WNK1: variants seen among roughly 807,000 people sequenced by gnomAD.
WNK1 encodes the protein serine/threonine-protein kinase WNK1.
In WNK1, 38 loss-of-function variants were observed where a neutral mutation model predicts 222.8. The observed-to-expected ratio is 0.17, with a 90% CI of 0.13 to 0.22. WNK1 has a LOEUF of 0.22. Ranked by LOEUF, WNK1 falls within the 10% of genes least tolerant of loss-of-function variation. WNK1 has a pLI of 1.00. For synonymous variants in WNK1, 1,090 were observed against 1,092.9 expected, an observed-to-expected ratio of 1.00 and a Z score of 0.05; for missense variants, 2,348 against 2,918.4, an observed-to-expected ratio of 0.80 and a Z score of 4.50.
rs1951204300 is a variant in WNK1 at position 861,363 on chromosome 12, G to A, written c.1951+20G>A. On this transcript the variant is annotated intron_variant, in intron 7 of 27. Coordinates refer to ENST00000315939, the MANE Select transcript of WNK1 (RefSeq NM_018979.4). ...TGTTATGTACGTATCTTGGGAAGTG[G>A]ACAGATAGGCTAATGATTCTCCTAA... 1 of 1,611,380 alleles carries A rather than the reference G, an allele frequency of 6.2e-7. No homozygotes were observed. Among genetic ancestry groups the A allele is most frequent in the Non-Finnish European group, 8.5e-7 (1 of 1,177,778 alleles).
At chr12:862,498 T>C (rs574500188) in intron 8 of WNK1, among the ~76,000 whole-genome samples, 1 of 152,356 alleles carries the variant, frequency 6.6e-6, no homozygotes, top group South Asian at 2.1e-4. Context: ...TTAGTCTGCA[T>C]TTTTACTAAA....
At position 881,750 on chromosome 12, in the gene WNK1, A is replaced by G. The variant is rs1268304631; in HGVS notation, c.3170A>G (p.Gln1057Arg). 2 of 1,614,216 alleles carry G rather than the reference A, an allele frequency of 1.2e-6. No individual in the cohort carries two copies. The highest frequency in any genetic ancestry group is 2.2e-5 in the South Asian group (2 of 91,080). The change falls in exon 13 of 28, where the codon CAA becomes CGA. Residue 1057 changes from glutamine to arginine, a missense_variant. Around this residue, in one of 13 missense-constraint regions of WNK1, gnomAD observed 547 missense variants for 558.3 expected, o/e 0.98. Transcript: ENST00000315939. The stretch of plus-strand genomic sequence containing the variant: ...GAGCCAGTTGCAGTAGCACAGACCC[A>G]AGCTACCCAGCCGACCACTTTGGCT... ...PAEPVAVAQT[Q>R]ATQPTTLASS...
chr12:869,564 TA>T (rs778677833), intron 8 of WNK1, among the ~76,000 whole-genome samples: 285 of 152,238 alleles, frequency 1.9e-3, no homozygotes, highest in South Asian at 3.7e-3. Context: ...GTTTTTGAGG[TA>T]ATATTAATAA....
Position 869,109 on chromosome 12 carries a change from T to C in WNK1, c.2140-2156T>C, listed in dbSNP as rs768422565. On this transcript the variant is annotated intron_variant, in intron 8 of 27. Coordinates refer to ENST00000315939, the MANE Select transcript of WNK1 (RefSeq NM_018979.4). ...GGATCTGCACTTCATCCACAGGTTA[T>C]AGGAAAACTTCCACAATTATTTTAA... 3.7e-6 allele frequency: 6 copies of C among 1,613,920 alleles called. No homozygotes were observed. In the East Asian group the frequency reaches 1.1e-4, roughly 30 times the overall value.
At chr12:864,346 A>G (rs1745951981) in intron 8 of WNK1, among the ~76,000 whole-genome samples, 2 of 152,104 alleles carry the variant, frequency 1.3e-5, no homozygotes, top group South Asian at 4.2e-4. Flanking sequence ...CTTGACCTCA[A>G]GTGATCCACC....
rs1319114437 is a variant in WNK1, at chr12:757,337, A to ATTTT, written c.759+3013_759+3014insTTTT. Reference sequence around the variant, plus strand: ...TTTTTTTTTTTTTTTTTTTTTTAAAAAAAAAAAGAGACGGAGTCTTGCTCT... The same window carrying ATTTT: ...TTTTTTTTTTTTTTTTTTTTTTAAAATTTTAAAAAAAGAGACGGAGTCTTGCTCT... On this transcript the variant is annotated intron_variant, in intron 1 of 27. Coordinates refer to ENST00000315939, the MANE Select transcript of WNK1 (RefSeq NM_018979.4). Among the ~76,000 whole-genome samples the ATTTT allele has an allele frequency of 5.2e-5, 6 of 115,302 alleles. No individual in the cohort carries two copies. The East Asian group carries it at 1.7e-3, about 33-fold the overall frequency. The allele number at this position is 115,302 out of a possible 152,430, so 75.6% of individuals were successfully genotyped here. A position where few individuals can be genotyped will look rare whatever the true frequency, so the allele number is the denominator to read the frequency against.
chr12:867,150 A>G (rs1951742827), intron 8 of WNK1, among the ~76,000 whole-genome samples: 1 of 152,124 alleles, frequency 6.6e-6, no homozygotes, highest in Non-Finnish European at 1.5e-5. Context: ...TTTCATGGTT[A>G]TGCAACTCTT....
At chr12:846,478 G>A (rs1280690794) in intron 4 of WNK1, among the ~76,000 whole-genome samples, 2 of 152,152 alleles carry the variant, frequency 1.3e-5, no homozygotes, top group African/African-American at 4.8e-5. Flanking sequence ...TTGGGGAATC[G>A]TGAGTAAGTT....
intron 1 of WNK1, among the ~76,000 whole-genome samples, chr12:775,612 G>T (rs1226570069): frequency 6.6e-6 from 1 of 152,042 alleles, no homozygotes; most frequent in East Asian, 1.9e-4. Flanking sequence ...ATAGTTCAAG[G>T]CTGCAGTGAG....
chr12:773,814 A>G (rs1287736852), intron 1 of WNK1, among the ~76,000 whole-genome samples: 1 of 152,154 alleles, frequency 6.6e-6, no homozygotes, highest in Non-Finnish European at 1.5e-5. Context: ...TAGTATAAAT[A>G]TTTTTAATAG....
At chr12:907,772 C>T in intron 26 of WNK1, 75 bp from the exon 27 acceptor site, 1 of 1,537,352 alleles carries the variant, frequency 6.5e-7, no homozygotes. Context: ...CATTCATCAT[C>T]CCGTGAAGTT....
In WNK1 at chr12:885,684, T is replaced by C; in HGVS notation, c.4880T>C (p.Leu1627Pro). 1.2e-6 allele frequency: 2 copies of C among 1,614,176 alleles called. No individual in the cohort carries two copies. The highest frequency in any genetic ancestry group is 1.7e-6 in the Non-Finnish European group (2 of 1,180,036). Residue 1627 changes from leucine (L) to proline (P), a missense_variant, in exon 19 of 28, where the codon CTT (leucine) becomes CCT (proline). Leu to Pro is a moderately conservative substitution (Grantham distance 98). Transcript: ENST00000315939. ...LIHSQPQPAL[L>P]PNQPHTHCPE... ...CATAGTCAGCCTCAACCAGCTTTGC[T>C]TCCCAACCAGCCCCATACTCATTGT...
At chr12:886,762 T>C (rs1953700746) in intron 19 of WNK1, among the ~76,000 whole-genome samples, 1 of 152,208 alleles carries the variant, frequency 6.6e-6, no homozygotes, top group Non-Finnish European at 1.5e-5. Flanking sequence ...TCAGATAAAA[T>C]AGAAATTCTT....
intron 4 of WNK1, among the ~76,000 whole-genome samples, chr12:847,801 CTTTTTTTTTTTTTT>C (rs898832948): frequency 1.5e-5 from 1 of 68,642 alleles, no homozygotes; most frequent in Non-Finnish European, 2.6e-5. Flanking sequence ...GATTAATTCT[CTTTTTTTTTTTTTT>C]TTTTTTTTTT....
chr12:880,766 A>G lies in WNK1; in HGVS notation c.2878A>G (p.Ile960Val). 6.2e-7 allele frequency: 1 copy of G among 1,613,524 alleles called. No individual in the cohort carries two copies. The highest frequency in any genetic ancestry group is 8.5e-7 in the Non-Finnish European group (1 of 1,179,934). The change falls in exon 12 of 28, where the codon ATT (isoleucine) becomes GTT (valine). Residue 960 changes from isoleucine (I) to valine (V), a missense_variant. By Grantham distance (29) the Ile-to-Val change is conservative. This residue lies in a region of WNK1 where 547 missense variants were observed against 558.3 expected (regional missense o/e 0.98). Coordinates refer to ENST00000315939, the MANE Select transcript of WNK1 (RefSeq NM_018979.4). ...LPPQYPGDSN[I>V]APSSNVASVC... ...ACCACAGTACCCAGGAGATTCAAAT[A>G]TTGCTCCCTCTTCCAACGTGGCTTC...
At chr12:791,774 A>G (rs980145883) in intron 1 of WNK1, among the ~76,000 whole-genome samples, 4 of 151,912 alleles carry the variant, frequency 2.6e-5, no homozygotes, top group African/African-American at 7.3e-5. Flanking sequence ...CTTTCTTGAT[A>G]ATTTTTTTTA....
intron 4 of WNK1, among the ~76,000 whole-genome samples, chr12:848,362 G>A (rs1950174437): frequency 6.6e-6 from 1 of 152,072 alleles, no homozygotes; most frequent in Middle Eastern, 3.2e-3. Flanking sequence ...TGGAGATGAA[G>A]AGAATGGAAA....
At chr12:794,611 T>A (rs1945140162) in intron 1 of WNK1, among the ~76,000 whole-genome samples, 2 of 152,200 alleles carry the variant, frequency 1.3e-5, no homozygotes, top group Admixed American at 6.6e-5. Flanking sequence ...CACTAATTTT[T>A]GGATGCTAAA....
intron 4 of WNK1, among the ~76,000 whole-genome samples, chr12:850,984 C>G (rs533703766): frequency 6.6e-6 from 1 of 151,974 alleles, no homozygotes; most frequent in East Asian, 1.9e-4. Context: ...TGTAGTAATA[C>G]TGTTGATTTT....
Sources: gnomAD v4.1 joint callset for allele counts (sites outside exome capture counted in the v4.1 genomes callset) on GRCh38, gnomAD v4.1.1 for gene constraint, gnomAD v4.1.1 regional missense constraint, MANE v1.5 for transcripts, NCBI Gene and HGNC (gene_info 2026-07-23, HGNC 2026-07-21) for gene names.